MYO3B: variants seen among roughly 807,000 people sequenced by gnomAD.
MYO3B encodes myosin IIIB.
In MYO3B, 156 loss-of-function variants were observed where a neutral mutation model predicts 174.6. The ratio of observed to expected loss-of-function variants is 0.89; its 90% CI spans 0.78 to 1.02. The LOEUF (loss-of-function observed/expected upper bound fraction) is 1.02. Among genes scored for constraint, MYO3B ranks in the 50% least tolerant of loss-of-function variants. The pLI is 0.00. For synonymous variants in MYO3B, 563 were observed against 569.1 expected, an observed-to-expected ratio of 0.99 and a Z score of 0.15; for missense variants, 1,632 against 1,639.4, an observed-to-expected ratio of 1.00 and a Z score of 0.08.
chr2:170,484,113 G>C (rs1380110649), intron 25 of MYO3B, among the ~76,000 whole-genome samples: 3 of 152,200 alleles, frequency 2.0e-5, no homozygotes, highest in Non-Finnish European at 4.4e-5. Context: ...TTCTTAAAGG[G>C]AAGAAGAGAG....
intron 32 of MYO3B, among the ~76,000 whole-genome samples, chr2:170,614,546 C>G (rs750144942): frequency 6.6e-5 from 10 of 152,178 alleles, no homozygotes; most frequent in Non-Finnish European, 1.3e-4. Flanking sequence ...ACTTACTCCT[C>G]TTTGCTGTGC....
chr2:170,386,352 T>TG, intron 13 of MYO3B, 80 bp downstream of exon 13: 1 of 1,225,570 alleles, frequency 8.2e-7, no homozygotes, highest in South Asian at 1.4e-5. Context: ...ATGGAAGTGC[T>TG]GGGTTTTTTT....
At chr2:170,591,802 T>A (rs1693833429) in intron 32 of MYO3B, among the ~76,000 whole-genome samples, 1 of 152,212 alleles carries the variant, frequency 6.6e-6, no homozygotes, top group South Asian at 2.1e-4. Flanking sequence ...AAGAATAATG[T>A]ATATACAGAA....
intron 32 of MYO3B, among the ~76,000 whole-genome samples, chr2:170,638,877 A>AC (rs932817966): frequency 1.1e-3 from 161 of 152,274 alleles, no homozygotes; most frequent in African/African-American, 3.8e-3. Context: ...AAGGTCACAT[A>AC]CCAATATGTG....
intron 6 of MYO3B, among the ~76,000 whole-genome samples, chr2:170,220,061 A>G (rs1193446154): frequency 1.3e-5 from 2 of 152,108 alleles, no homozygotes; most frequent in African/African-American, 2.4e-5. Flanking sequence ...GATCGAGACC[A>G]TCCTGGCTAA....
intron 22 of MYO3B, among the ~76,000 whole-genome samples, chr2:170,419,735 C>T (rs1469922397): frequency 1.3e-5 from 2 of 152,048 alleles, no homozygotes; most frequent in Non-Finnish European, 2.9e-5. Flanking sequence ...CTGCCCCTCT[C>T]ATCCCCACTC....
intron 25 of MYO3B, among the ~76,000 whole-genome samples, chr2:170,487,057 G>A (rs546295687): frequency 6.6e-6 from 1 of 152,326 alleles, no homozygotes; most frequent in South Asian, 2.1e-4. Flanking sequence ...TCTATGTCTG[G>A]AGTGTGGCCC....
chr2:170,282,945 G>A (rs1238186193), intron 7 of MYO3B, among the ~76,000 whole-genome samples: 1 of 152,068 alleles, frequency 6.6e-6, no homozygotes, highest in Non-Finnish European at 1.5e-5. Context: ...TAGAGTTCTG[G>A]GGACTCTGTT....
Position 170,629,675 on chromosome 2 carries a change from C to T in MYO3B, c.3734-21953C>T, listed in dbSNP as rs1696778406. Among the ~76,000 whole-genome samples the T allele has an allele frequency of 2.0e-5, 3 of 152,090 alleles. No homozygotes were observed. In the South Asian group the frequency reaches 6.2e-4, roughly 32 times the overall value. On this transcript the variant is annotated intron_variant, in intron 32 of 34. Transcript: ENST00000408978. ...GACCAGCCTGGGCAACATGGTGAAA[C>T]TCCATCTCTACTAAAATACAAAAAA...
intron 32 of MYO3B, among the ~76,000 whole-genome samples, chr2:170,550,370 T>C (rs1199544192): frequency 2.0e-5 from 3 of 152,230 alleles, no homozygotes; most frequent in Admixed American, 6.5e-5. Context: ...TCACCTAGAA[T>C]GCTAGTTAAG....
chr2:170,253,311 A>G (rs542271827), intron 7 of MYO3B, among the ~76,000 whole-genome samples: 1 of 152,228 alleles, frequency 6.6e-6, no homozygotes, highest in Admixed American at 6.5e-5. Flanking sequence ...GGGAGAGAGG[A>G]CTTACTGAAA....
intron 7 of MYO3B, among the ~76,000 whole-genome samples, chr2:170,284,637 G>C (rs7605329): frequency 0.14 from 21,621 of 152,072 alleles, 1,774 homozygotes; most frequent in Admixed American, 0.25. Context: ...TGTTAAATTT[G>C]ATTTTGTTTT....
Position 170,461,883 on chromosome 2 carries a change from T to C in MYO3B, c.2731-1485T>C, listed in dbSNP as rs1288849398. The stretch of plus-strand genomic sequence containing the variant: ...GAAGAAGAAAATAAGGAGAAAAAAG[T>C]TGAAGAAAATCCAGAATTTACAATT... On this transcript the variant is annotated intron_variant, in intron 23 of 34. Coordinates refer to ENST00000408978, the MANE Select transcript of MYO3B (RefSeq NM_138995.5). Among the ~76,000 whole-genome samples the C allele has an allele frequency of 3.9e-5, 6 of 152,234 alleles. No homozygotes were observed. The East Asian group carries it at 1.2e-3, about 29-fold the overall frequency.
chr2:170,480,217 G>A (rs538125685), intron 25 of MYO3B, among the ~76,000 whole-genome samples: 33 of 152,066 alleles, frequency 2.2e-4, no homozygotes, highest in Admixed American at 1.7e-3. Context: ...CTCCTTTCAC[G>A]GGCCCCAAGG....
chr2:170,332,777 C>T (rs2093920832), intron 7 of MYO3B, among the ~76,000 whole-genome samples: 1 of 152,120 alleles, frequency 6.6e-6, no homozygotes, highest in Non-Finnish European at 1.5e-5. Context: ...CCATTCTCCT[C>T]AGGCCAACAA....
intron 32 of MYO3B, among the ~76,000 whole-genome samples, chr2:170,633,262 G>C (rs1174386106): frequency 2.0e-5 from 3 of 152,150 alleles, no homozygotes; most frequent in African/African-American, 7.2e-5. Context: ...ACATCAAAAA[G>C]CTTATCCACC....
intron 23 of MYO3B, among the ~76,000 whole-genome samples, chr2:170,455,194 C>T (rs1683840516): frequency 6.6e-6 from 1 of 152,096 alleles, no homozygotes; most frequent in African/African-American, 2.4e-5. Context: ...GCAGTCTAGT[C>T]CCCAGGAAGG....
chr2:170,581,988 G>A (rs1007977328), intron 32 of MYO3B, among the ~76,000 whole-genome samples: 1 of 152,204 alleles, frequency 6.6e-6, no homozygotes, highest in African/African-American at 2.4e-5. Flanking sequence ...TTAATGTAAT[G>A]TGGGATATAC....
At chr2:170,278,053 T>C (rs1574703652) in intron 7 of MYO3B, among the ~76,000 whole-genome samples, 9 of 152,154 alleles carry the variant, frequency 5.9e-5, no homozygotes. Flanking sequence ...CTGTGGATAG[T>C]TTATTAGACA....
Sources: allele counts gnomAD v4.1 joint callset (sites outside exome capture counted in the v4.1 genomes callset), GRCh38; gene constraint gnomAD v4.1.1; transcripts MANE v1.5; gene names NCBI Gene and HGNC (gene_info 2026-07-23, HGNC 2026-07-21).